Variants in RBFOX1 observed in about 807,000 individuals in gnomAD.
RBFOX1 encodes RNA binding fox-1 homolog 1.
A neutral mutation model predicts 57.7 loss-of-function variants in RBFOX1; 8 were observed. That is an observed-to-expected ratio of 0.14 (90% CI 0.08 to 0.25). The LOEUF is 0.25. Ranked by LOEUF, RBFOX1 falls within the 10% of genes least tolerant of loss-of-function variation. The pLI is 1.00. For missense variants in RBFOX1, 611 were observed against 548.5 expected (o/e 1.11, Z -1.14); for synonymous variants, 326 against 222.4 (o/e 1.47, Z -4.15).
Position 6,084,115 on chromosome 16 carries a change from C to T in RBFOX1, c.-127+64123C>T, listed in dbSNP as rs145246961. Among the ~76,000 whole-genome samples the T allele has an allele frequency of 5.9e-5, 9 of 152,270 alleles. No individual in the cohort carries two copies. The South Asian group carries it at 6.2e-4, about 11-fold the overall frequency. On this transcript the variant is annotated intron_variant, in intron 1 of 15. Transcript: ENST00000550418. The stretch of plus-strand genomic sequence containing the variant: ...GCCTGAGCTTTTCAATCTGTAAATA[C>T]GGCCAATAATAATACCTCCCTCTTA...
chr16:6,102,099 T>C (rs2096317347), intron 1 of RBFOX1, among the ~76,000 whole-genome samples: 3 of 151,630 alleles, frequency 2.0e-5, no homozygotes, highest in East Asian at 3.9e-4. Context: ...ATTTCCTTCC[T>C]TATAATTCAA....
At chr16:7,350,724 G>A (rs752925982) in intron 4 of RBFOX1, among the ~76,000 whole-genome samples, 3 of 152,112 alleles carry the variant, frequency 2.0e-5, no homozygotes, top group African/African-American at 7.2e-5. Flanking sequence ...ATTGACCGGA[G>A]AATTCTGCCC....
At chr16:6,138,757 C>CT (rs1450982682) in intron 1 of RBFOX1, among the ~76,000 whole-genome samples, 1 of 152,110 alleles carries the variant, frequency 6.6e-6, no homozygotes, top group African/African-American at 2.4e-5. Flanking sequence ...GTCCCAGGTA[C>CT]TTGGGAGGCT....
intron 4 of RBFOX1, among the ~76,000 whole-genome samples, chr16:7,279,823 T>C (rs2095506954): frequency 6.6e-6 from 1 of 152,184 alleles, no homozygotes; most frequent in Admixed American, 6.5e-5. Flanking sequence ...CTTCCAGAAA[T>C]GGCCAAGCTT....
intron 1 of RBFOX1, among the ~76,000 whole-genome samples, chr16:6,092,075 A>T (rs1597225797): frequency 6.6e-6 from 1 of 152,154 alleles, no homozygotes; most frequent in Admixed American, 6.5e-5. Context: ...AGTACCTAGC[A>T]ATCCTTCTGG....
At chr16:5,990,235 C>T (rs1385812846) in intron 4 of RBFOX1, among the ~76,000 whole-genome samples, 1 of 152,172 alleles carries the variant, frequency 6.6e-6, no homozygotes, top group Non-Finnish European at 1.5e-5. Context: ...AAGTGATCCT[C>T]CCACTTTGGC....
intron 1 of RBFOX1, among the ~76,000 whole-genome samples, chr16:5,404,677 A>G (rs1301152819): frequency 6.6e-6 from 1 of 152,216 alleles, no homozygotes; most frequent in Admixed American, 6.5e-5. Context: ...GCTGTTGTGC[A>G]TACCTGGGGG....
At chr16:6,863,999 T>TG (rs1167317652) in intron 3 of RBFOX1, among the ~76,000 whole-genome samples, 1 of 151,136 alleles carries the variant, frequency 6.6e-6, no homozygotes, top group East Asian at 1.9e-4. Flanking sequence ...CTTTTTTTTT[T>TG]TTTTTGTTGA....
At chr16:6,590,908 A>T (rs1447537007) in intron 2 of RBFOX1, among the ~76,000 whole-genome samples, 2 of 152,156 alleles carry the variant, frequency 1.3e-5, no homozygotes, top group Non-Finnish European at 2.9e-5. Flanking sequence ...GCATTTGCAC[A>T]TTTAGGTTAG....
rs4363866 is a variant in RBFOX1, at chr16:6,222,949, T to C, written c.-126-94046T>C. ...CCCATCTATGAGTGAGAACATGCGG[T>C]GTTTGGTTTGTTGTCCTTGCGATAG... On this transcript the variant is annotated intron_variant, in intron 1 of 15. Transcript: ENST00000550418. Among the ~76,000 whole-genome samples, 110 of 151,478 alleles carry C rather than the reference T, an allele frequency of 7.3e-4. 2 individuals carry two copies. The East Asian group carries it at 0.011, about 15-fold the overall frequency.
At chr16:7,342,587 T>A (rs1279739435) in intron 4 of RBFOX1, among the ~76,000 whole-genome samples, 1 of 152,196 alleles carries the variant, frequency 6.6e-6, no homozygotes, top group Non-Finnish European at 1.5e-5. Context: ...GAAAGGAGAA[T>A]GTTTACACTT....
chr16:6,522,874 C>G (rs1437068287), intron 2 of RBFOX1, among the ~76,000 whole-genome samples: 1 of 152,148 alleles, frequency 6.6e-6, no homozygotes, highest in Non-Finnish European at 1.5e-5. Context: ...TAGCCACACT[C>G]TTTGTTTCTC....
intron 3 of RBFOX1, among the ~76,000 whole-genome samples, chr16:6,676,673 C>CTTTTTTTTTTTTTTTTTTTTTTTTT (rs756578276): frequency 9.7e-6 from 1 of 103,550 alleles, no homozygotes; most frequent in Non-Finnish European, 1.9e-5. Flanking sequence ...TTTTTCTTTT[C>CTTTTTTTTTTTTTTTTTTTTTTTTT]TTTTTTTTTT....
chr16:6,776,918 A>G (rs1203013712), intron 3 of RBFOX1, among the ~76,000 whole-genome samples: 1 of 152,234 alleles, frequency 6.6e-6, no homozygotes, highest in African/African-American at 2.4e-5. Context: ...TTAATGGGAA[A>G]TGTACACCTG....
intron 4 of RBFOX1, among the ~76,000 whole-genome samples, chr16:7,273,387 T>C (rs1304214813): frequency 1.3e-5 from 2 of 152,216 alleles, no homozygotes; most frequent in South Asian, 2.1e-4. Context: ...TGGACTGATA[T>C]TCTGGATAAT....
intron 1 of RBFOX1, among the ~76,000 whole-genome samples, chr16:5,431,755 T>A (rs892499331): frequency 6.6e-6 from 1 of 152,208 alleles, no homozygotes; most frequent in Admixed American, 6.5e-5. Context: ...GCAAGTTTGC[T>A]TTTTGTGTGG....
intron 2 of RBFOX1, among the ~76,000 whole-genome samples, chr16:5,527,968 G>A (rs528304434): frequency 1.3e-5 from 2 of 152,192 alleles, no homozygotes; most frequent in African/African-American, 2.4e-5. Context: ...TGAATTGCCT[G>A]TCAGGATGTT....
intron 14 of RBFOX1, among the ~76,000 whole-genome samples, chr16:7,685,390 C>T (rs1333755818): frequency 6.6e-6 from 1 of 152,088 alleles, no homozygotes; most frequent in Admixed American, 6.6e-5. Context: ...ATTCTTTACC[C>T]CAAAAGATCC....
chr16:5,315,369 A>G (rs1308025235), intron 1 of RBFOX1, among the ~76,000 whole-genome samples: 1 of 152,208 alleles, frequency 6.6e-6, no homozygotes, highest in Non-Finnish European at 1.5e-5. Flanking sequence ...AAATGGAGAC[A>G]GGGATGTGCT....
Sources: gnomAD v4.1 joint callset for allele counts (sites outside exome capture counted in the v4.1 genomes callset) on GRCh38, gnomAD v4.1.1 for gene constraint, MANE v1.5 for transcripts, NCBI Gene and HGNC (gene_info 2026-07-23, HGNC 2026-07-21) for gene names.